TMPRSS2: variants seen among roughly 807,000 people sequenced by gnomAD.
The protein encoded by TMPRSS2 is transmembrane protease serine 2.
Under a neutral mutation model 67.4 loss-of-function variants are expected in TMPRSS2, and 59 were observed. The ratio of observed to expected loss-of-function variants is 0.88; its 90% CI spans 0.71 to 1.09. TMPRSS2 has a LOEUF of 1.09. Ranked by LOEUF, TMPRSS2 falls within the 50% of genes least tolerant of loss-of-function variation. The probability of loss-of-function intolerance (pLI) is 0.00; values close to 1 mark genes in which losing one functional copy is unlikely to be tolerated. For synonymous variants in TMPRSS2, 257 were observed against 257.0 expected (o/e 1.00, Z 0.00); for missense variants, 668 against 642.7 (o/e 1.04, Z -0.43).
intron 5 of TMPRSS2, among the ~76,000 whole-genome samples, chr21:41,484,828 C>T (rs2091283417): frequency 6.6e-6 from 1 of 151,978 alleles, no homozygotes; most frequent in Admixed American, 6.6e-5. Context: ...AATAATGGTG[C>T]GTCCATGCAA....
chr21:41,484,692 G>A lies in TMPRSS2; in HGVS notation c.445+3702C>T, dbSNP rs147054075. Among the ~76,000 whole-genome samples, 73 of 152,246 alleles carry A rather than the reference G, an allele frequency of 4.8e-4. 1 individual carries two copies. In the South Asian group the frequency reaches 0.011, roughly 24 times the overall value. ...GGTCTGTCAGGTTACAGATCCACAC[G>A]CCCTCTGACCTAGCAGTTCTACTCC... is the stretch of plus-strand genomic sequence containing the variant. On this transcript the variant is annotated intron_variant, in intron 5 of 13. Coordinates refer to ENST00000332149, the MANE Select transcript of TMPRSS2 (RefSeq NM_005656.4).
At chr21:41,503,932 C>A (rs1381741328) in intron 1 of TMPRSS2, among the ~76,000 whole-genome samples, 1 of 152,172 alleles carries the variant, frequency 6.6e-6, no homozygotes, top group East Asian at 1.9e-4. Flanking sequence ...TCTCCCATGA[C>A]CCCTGGGCTA....
At chr21:41,505,345 C>T (rs947541287) in intron 1 of TMPRSS2, among the ~76,000 whole-genome samples, 7 of 152,166 alleles carry the variant, frequency 4.6e-5, no homozygotes, top group Admixed American at 1.3e-4. Flanking sequence ...GGAATCTTGC[C>T]GCAGATTCAG....
chr21:41,484,321 T>C (rs917583872), intron 5 of TMPRSS2, among the ~76,000 whole-genome samples: 1 of 152,082 alleles, frequency 6.6e-6, no homozygotes, highest in African/African-American at 2.4e-5. Flanking sequence ...ATAACTAGAG[T>C]GAACAATTTA....
At chr21:41,480,403 GA>G in intron 6 of TMPRSS2, 72 bp downstream of exon 6, 1 of 1,582,452 alleles carries the variant, frequency 6.3e-7, no homozygotes, top group South Asian at 1.2e-5. Flanking sequence ...CTTTCACAGG[GA>G]GGCAGAGAGA....
intron 5 of TMPRSS2, among the ~76,000 whole-genome samples, chr21:41,482,291 G>C (rs1012727416): frequency 5.9e-5 from 9 of 152,092 alleles, no homozygotes; most frequent in African/African-American, 1.7e-4. Context: ...GAGTTTTGGG[G>C]ACTTTTTGCT....
chr21:41,479,302 T>C lies in TMPRSS2; in HGVS notation c.573-20A>G. The stretch of plus-strand genomic sequence containing the variant: ...TTATTCCTAAAAAAGAAAACCTTAT[T>C]TGTGATAATGGTTAAGGCATAAGCA... On this transcript the variant is annotated intron_variant, in intron 6 of 13. Transcript: ENST00000332149. 1.3e-6 allele frequency: 2 copies of C among 1,582,718 alleles called. No individual in the cohort carries two copies. The highest frequency in any genetic ancestry group is 1.1e-5 in the South Asian group (1 of 90,374).
At chr21:41,507,686 G>A (rs1473878250) in intron 1 of TMPRSS2, among the ~76,000 whole-genome samples, 3 of 152,196 alleles carry the variant, frequency 2.0e-5, no homozygotes, top group African/African-American at 7.2e-5. Flanking sequence ...TCCCCAAAGA[G>A]AAAAGGCGCA....
chr21:41,472,643 G>C (rs2091144908), intron 9 of TMPRSS2, among the ~76,000 whole-genome samples: 1 of 152,192 alleles, frequency 6.6e-6, no homozygotes, highest in African/African-American at 2.4e-5. Context: ...CCATCTTATA[G>C]TTGTACATGC....
chr21:41,496,095 T>C (rs146845793), intron 2 of TMPRSS2, among the ~76,000 whole-genome samples: 1 of 152,294 alleles, frequency 6.6e-6, no homozygotes, highest in East Asian at 1.9e-4. Flanking sequence ...ATAATTATAA[T>C]GAGAAGAATA....
intron 7 of TMPRSS2, 132 bp downstream of exon 7, chr21:41,479,040 T>C: frequency 1.5e-6 from 1 of 677,252 alleles, no homozygotes; most frequent in South Asian, 1.9e-5. Context: ...CAGACTCTAA[T>C]CTCCTCCCAA....
intron 1 of TMPRSS2, among the ~76,000 whole-genome samples, chr21:41,501,459 A>T (rs1226163089): frequency 6.6e-6 from 1 of 152,060 alleles, no homozygotes; most frequent in African/African-American, 2.4e-5. Flanking sequence ...AAATACAAAA[A>T]TTAGCTGGGT....
At chr21:41,495,784 A>G (rs574894406) in intron 2 of TMPRSS2, among the ~76,000 whole-genome samples, 1 of 152,192 alleles carries the variant, frequency 6.6e-6, no homozygotes, top group South Asian at 2.1e-4. Flanking sequence ...CCCCTGACCC[A>G]CTCAAGACGT....
In TMPRSS2 at chr21:41,473,386, C is replaced by CGTGGACGTT. The variant is rs768285599; in HGVS notation, c.829_837dup (p.Asn277_His279dup). The CGTGGACGTT allele has an allele frequency of 6.2e-7, 1 of 1,610,172 alleles. No individual in the cohort carries two copies. On this transcript the variant is annotated inframe_insertion, in exon 9 of 14. Coordinates refer to ENST00000332149, the MANE Select transcript of TMPRSS2 (RefSeq NM_005656.4). ...GGGGTGATGATGGAGCCTCCGCACA[C>CGTGGACGTT]GTGGACGTTCTGGACGTGCAGGCTG...
chr21:41,498,071 G>A (rs2091397584), intron 2 of TMPRSS2, 48 bp downstream of exon 2: 1 of 1,394,220 alleles, frequency 7.2e-7, no homozygotes, highest in African/African-American at 1.4e-5. Flanking sequence ...TAACAGAAGG[G>A]ACAAGGGAAC....
intron 7 of TMPRSS2, among the ~76,000 whole-genome samples, chr21:41,477,730 C>T (rs2091225595): frequency 6.6e-6 from 1 of 152,090 alleles, no homozygotes; most frequent in Non-Finnish European, 1.5e-5. Context: ...AAGACATTTC[C>T]TAAGAATCCT....
At chr21:41,469,144 T>C (rs1333137096) in intron 11 of TMPRSS2, among the ~76,000 whole-genome samples, 3 of 151,876 alleles carry the variant, frequency 2.0e-5, no homozygotes, top group African/African-American at 7.3e-5. Flanking sequence ...CACCAACCAA[T>C]ATTTCCTGGC....
chr21:41,507,885 C>T (rs2091469493), intron 1 of TMPRSS2, 196 bp downstream of exon 1: 1 of 1,484,616 alleles, frequency 6.7e-7, no homozygotes, highest in Admixed American at 2.2e-5. Flanking sequence ...GCCCAGCACT[C>T]TCCCAGCACC....
intron 1 of TMPRSS2, among the ~76,000 whole-genome samples, chr21:41,503,200 A>C (rs970489018): frequency 5.9e-5 from 9 of 152,200 alleles, no homozygotes; most frequent in African/African-American, 2.2e-4. Flanking sequence ...CCACACCCAG[A>C]CAACACCAGC....
Sources: gnomAD v4.1 joint callset for allele counts (sites outside exome capture counted in the v4.1 genomes callset) on GRCh38, gnomAD v4.1.1 for gene constraint, MANE v1.5 for transcripts, NCBI Gene and HGNC (gene_info 2026-07-23, HGNC 2026-07-21) for gene names.